Variants in RASA3 observed in about 807,000 individuals in gnomAD.
RASA3 encodes the protein ras GTPase-activating protein 3.
In RASA3, 73 loss-of-function variants were observed where a neutral mutation model predicts 110.0. The ratio of observed to expected loss-of-function variants is 0.66; its 90% CI spans 0.55 to 0.81. RASA3 has a LOEUF of 0.81. Ranked by LOEUF, RASA3 falls within the 30% of genes least tolerant of loss-of-function variation. RASA3 has a pLI of 0.00. For synonymous variants in RASA3, 500 were observed against 451.4 expected, an observed-to-expected ratio of 1.11 and a Z score of -1.37; for missense variants, 976 against 1,113.2, an observed-to-expected ratio of 0.88 and a Z score of 1.75.
At chr13:114,001,006 C>A (rs2053382631) in intron 18 of RASA3, 74 bp from the exon 19 acceptor site, 8 of 951,210 alleles carry the variant, frequency 8.4e-6, no homozygotes, top group Admixed American at 1.8e-5. Flanking sequence ...CCACACCCCC[C>A]ACTTTCTGCG....
rs184755391 is a variant in RASA3, at chr13:113,995,871, A to G, written c.2141+660T>C. ...CTGACGGGGGGCCCGGCTGATGGGG[A>G]GGCCCGGCTGATGGGGAGGCCCGGC... On this transcript the variant is annotated intron_variant, in intron 21 of 23. Transcript: ENST00000334062. 7.6e-3 allele frequency among the ~76,000 whole-genome samples: 45 copies of G among 5,906 alleles called. 1 individual carries two copies. Among genetic ancestry groups the G allele is most frequent in the South Asian group, 0.026 (3 of 114 alleles). 3.9% of individuals were successfully genotyped at this position (5,906 alleles called of 152,430 possible). A position where few individuals can be genotyped will look rare whatever the true frequency, so the allele number is the denominator to read the frequency against.
intron 12 of RASA3, 30 bp downstream of exon 12, chr13:114,017,207 G>A: frequency 1.3e-6 from 2 of 1,581,112 alleles, no homozygotes; most frequent in Non-Finnish European, 1.7e-6. Context: ...CACGCCTCGT[G>A]AGGCTGAGGA....
chr13:114,100,156 C>G (rs2080036751), intron 1 of RASA3, among the ~76,000 whole-genome samples: 1 of 151,448 alleles, frequency 6.6e-6, no homozygotes. Flanking sequence ...TAGGAAGACG[C>G]CGAATGGTAA....
At chr13:114,009,124 G>A (rs897204013) in intron 17 of RASA3, among the ~76,000 whole-genome samples, 1 of 152,240 alleles carries the variant, frequency 6.6e-6, no homozygotes, top group Non-Finnish European at 1.5e-5. Flanking sequence ...CATTCGGGGG[G>A]CTCAGACACA....
intron 4 of RASA3, 65 bp from the exon 5 acceptor site, chr13:114,029,952 G>T: frequency 6.9e-7 from 1 of 1,450,272 alleles, no homozygotes; most frequent in Non-Finnish European, 9.4e-7. Context: ...CTAGGGCCGC[G>T]CGCCCAGGGA....
chr13:114,060,195 G>A (rs2079315096), intron 2 of RASA3, among the ~76,000 whole-genome samples: 1 of 152,246 alleles, frequency 6.6e-6, no homozygotes, highest in Admixed American at 6.5e-5. Flanking sequence ...ACGTGGCCTG[G>A]GCAGGGCACG....
At chr13:114,131,558 A>C (rs894465920) in intron 1 of RASA3, among the ~76,000 whole-genome samples, 2 of 152,188 alleles carry the variant, frequency 1.3e-5, no homozygotes, top group Non-Finnish European at 2.9e-5. Context: ...CCCACTTCAG[A>C]AGCTGCTGAA....
intron 1 of RASA3, among the ~76,000 whole-genome samples, chr13:114,109,351 G>A (rs1241453789): frequency 2.6e-5 from 4 of 152,136 alleles, no homozygotes; most frequent in African/African-American, 9.7e-5. Context: ...CGTTTGTGCT[G>A]CGTGGTTCCC....
intron 1 of RASA3, among the ~76,000 whole-genome samples, chr13:114,087,477 C>T (rs190426175): frequency 3.9e-5 from 6 of 152,356 alleles, no homozygotes; most frequent in Non-Finnish European, 5.9e-5. Context: ...TGGAGATGGG[C>T]GCGCTACACG....
intron 4 of RASA3, among the ~76,000 whole-genome samples, chr13:114,035,088 A>G (rs1451872206): frequency 1.3e-5 from 2 of 152,240 alleles, no homozygotes; most frequent in Non-Finnish European, 2.9e-5. Flanking sequence ...ACCTGAGCTT[A>G]GAGCTGGGAG....
At chr13:114,059,036 G>A (rs1359064867) in intron 2 of RASA3, among the ~76,000 whole-genome samples, 2 of 152,208 alleles carry the variant, frequency 1.3e-5, no homozygotes, top group African/African-American at 4.8e-5. Flanking sequence ...CAACTCAACA[G>A]AAAATTTAAA....
intron 1 of RASA3, among the ~76,000 whole-genome samples, chr13:114,092,251 A>C (rs1412580214): frequency 6.6e-6 from 1 of 151,960 alleles, no homozygotes; most frequent in African/African-American, 2.4e-5. Context: ...GTGGTGCATC[A>C]CTAGGTTGTT....
chr13:114,052,619 C>T (rs1359613945), intron 2 of RASA3, among the ~76,000 whole-genome samples: 1 of 152,138 alleles, frequency 6.6e-6, no homozygotes, highest in African/African-American at 2.4e-5. Flanking sequence ...ACTGCCCAGC[C>T]GCCCTCACTC....
rs961205089 is a variant in RASA3, at chr13:114,065,083, G to A, written c.173+8637C>T. On this transcript the variant is annotated intron_variant, in intron 2 of 23. Transcript: ENST00000334062. This position sits in a 1 kb window ranked among gnomAD's most constrained non-coding sequence, Gnocchi z 4.1. ...AAGAAAAAACCTCTTGCAGAAAACAGAGTTGACCTTTAAGTAGTGGCTCTG... is the reference window on the plus strand; with the variant it reads ...AAGAAAAAACCTCTTGCAGAAAACAAAGTTGACCTTTAAGTAGTGGCTCTG... 5.3e-5 allele frequency among the ~76,000 whole-genome samples: 8 copies of A among 152,254 alleles called. No individual in the cohort carries two copies. Among genetic ancestry groups the A allele is most frequent in the African/African-American group, 1.9e-4 (8 of 41,474 alleles).
At chr13:114,090,121 C>T (rs2139709078) in intron 1 of RASA3, among the ~76,000 whole-genome samples, 1 of 152,296 alleles carries the variant, frequency 6.6e-6, no homozygotes, top group East Asian at 1.9e-4. Context: ...CACAAGTTCC[C>T]ATGTGAACAC....
chr13:114,093,108 TATTA>T (rs1264338698), intron 1 of RASA3, among the ~76,000 whole-genome samples: 3 of 152,252 alleles, frequency 2.0e-5, no homozygotes, highest in Admixed American at 6.5e-5. Flanking sequence ...GTTATTATTT[TATTA>T]ATTGTGTCTT....
At chr13:114,017,745 G>A (rs1003442579) in intron 11 of RASA3, among the ~76,000 whole-genome samples, 2 of 152,346 alleles carry the variant, frequency 1.3e-5, no homozygotes, top group South Asian at 4.1e-4. Context: ...GCAGCCAGAT[G>A]TTTCTAGAAC....
At chr13:114,037,443 G>A (rs900049381) in intron 4 of RASA3, among the ~76,000 whole-genome samples, 3 of 152,114 alleles carry the variant, frequency 2.0e-5, no homozygotes, top group Non-Finnish European at 4.4e-5. Context: ...CATGAGCCAC[G>A]GGGAGTGGCC....
Position 114,112,931 on chromosome 13 carries a change from T to C in RASA3, c.55+19504A>G, listed in dbSNP as rs72659576. Among the ~76,000 whole-genome samples the C allele has an allele frequency of 1.7e-3, 251 of 152,084 alleles. No homozygotes were observed. The highest frequency in any genetic ancestry group is 2.1e-3 in the Non-Finnish European group (145 of 67,974). ...GGAAGGTGCTTAGCTCAGGGAGGGC[T>C]GGAGGGTGGGACTAGGAGGCACTAA... On this transcript the variant is annotated intron_variant, in intron 1 of 23. Coordinates refer to ENST00000334062, the MANE Select transcript of RASA3 (RefSeq NM_007368.4). The surrounding 1 kb of genome is among the most constrained non-coding windows in gnomAD (Gnocchi z 4.8).
Sources: allele counts gnomAD v4.1 joint callset (sites outside exome capture counted in the v4.1 genomes callset), GRCh38; gene constraint gnomAD v4.1.1; non-coding constraint Gnocchi (gnomAD v3.1); transcripts MANE v1.5; gene names NCBI Gene and HGNC (gene_info 2026-07-23, HGNC 2026-07-21).